Variants in ZMYM6 observed in about 807,000 individuals in gnomAD.
ZMYM6 encodes the protein zinc finger MYM-type containing 6.
ZMYM6 carries 90 observed loss-of-function variants against 134.0 expected under a neutral mutation model. The ratio of observed to expected loss-of-function variants is 0.67; its 90% CI spans 0.57 to 0.80. The LOEUF is 0.80. Ranked by LOEUF, ZMYM6 falls within the 30% of genes least tolerant of loss-of-function variation. The pLI is 0.00. For synonymous variants in ZMYM6, 481 were observed against 524.1 expected (o/e 0.92, Z 1.12); for missense variants, 1,362 against 1,533.9 (o/e 0.89, Z 1.87).
At chr1:35,006,824 A>G (rs1640988339) in intron 12 of ZMYM6, 127 bp downstream of exon 12, 1 of 981,854 alleles carries the variant, frequency 1.0e-6, no homozygotes, top group African/African-American at 1.7e-5. Flanking sequence ...TCTTAAAGAA[A>G]AATTTAAGGA....
At chr1:34,990,592 A>T (rs751859068) in intron 15 of ZMYM6, among the ~76,000 whole-genome samples, 20 of 152,222 alleles carry the variant, frequency 1.3e-4, no homozygotes, top group Non-Finnish European at 2.4e-4. Flanking sequence ...ATCCATTAAC[A>T]TAGCTTAACC....
At chr1:35,019,731 G>GGC in intron 3 of ZMYM6, 129 bp from the exon 4 acceptor site, 8 of 1,156,194 alleles carry the variant, frequency 6.9e-6, no homozygotes, top group Non-Finnish European at 9.4e-6. Flanking sequence ...GGAGTGCAGT[G>GGC]GTGCAATCAA....
chr1:35,007,198 G>T, intron 11 of ZMYM6, 100 bp from the exon 12 acceptor site: 1 of 1,213,318 alleles, frequency 8.2e-7, no homozygotes, highest in Non-Finnish European at 1.1e-6. Context: ...GGATATATGA[G>T]TCAGTTGAGA....
At chr1:35,001,508 TA>T (rs1328603189) in intron 14 of ZMYM6, among the ~76,000 whole-genome samples, 1 of 152,086 alleles carries the variant, frequency 6.6e-6, no homozygotes, top group Non-Finnish European at 1.5e-5. Flanking sequence ...TTATCTCATA[TA>T]TACAGAGGAA....
intron 2 of ZMYM6, among the ~76,000 whole-genome samples, chr1:35,025,866 G>A (rs1489887225): frequency 6.6e-6 from 1 of 152,156 alleles, no homozygotes; most frequent in African/African-American, 2.4e-5. Flanking sequence ...AAAGTGGGAA[G>A]AGAAACAGTA....
intron 12 of ZMYM6, 22 bp from the exon 13 acceptor site, chr1:35,005,294 G>T: frequency 5.6e-6 from 9 of 1,610,982 alleles, no homozygotes; most frequent in Non-Finnish European, 7.6e-6. Flanking sequence ...AAAAAGTTAA[G>T]ATCTGGAATA....
intron 14 of ZMYM6, among the ~76,000 whole-genome samples, chr1:34,993,054 A>G (rs1030623541): frequency 3.3e-5 from 5 of 150,578 alleles, no homozygotes; most frequent in Non-Finnish European, 7.4e-5. Context: ...GGAAAAAAAA[A>G]GAACTAAAGT....
At position 34,987,954 on chromosome 1, in the gene ZMYM6, T is replaced by C; in HGVS notation, c.3128A>G (p.Asn1043Ser). The C allele has an allele frequency of 3.2e-6, 5 of 1,551,672 alleles. No homozygotes were observed. The highest frequency in any genetic ancestry group is 4.4e-6 in the Non-Finnish European group (5 of 1,146,976). The change falls in exon 16 of 16, where the codon AAT (asparagine) becomes AGT (serine). Residue 1043 changes from asparagine to serine, a missense_variant. By Grantham distance (46) the Asn-to-Ser change is conservative. Transcript: ENST00000357182. ...TGTTAACATACGTGAATTTAATGCA[T>C]TGCTCTTTATAAAACTTAAAATTTG... ...SAQILSFIKS[N>S]ALNSRMLTIL...
chr1:35,009,561 T>C (rs933323497), intron 10 of ZMYM6, among the ~76,000 whole-genome samples: 2 of 152,256 alleles, frequency 1.3e-5, no homozygotes, highest in East Asian at 3.8e-4. Context: ...GCTAAACTTA[T>C]GAAGAGATTT....
intron 1 of ZMYM6, chr1:35,031,158 A>C (rs1641515913): frequency 6.5e-6 from 1 of 152,678 alleles, no homozygotes; most frequent in Non-Finnish European, 1.5e-5. Context: ...CCTTCACTGG[A>C]AGCCTCCCTA....
At chr1:34,998,152 G>A (rs1386766067) in intron 14 of ZMYM6, among the ~76,000 whole-genome samples, 3 of 152,038 alleles carry the variant, frequency 2.0e-5, no homozygotes, top group Middle Eastern at 3.2e-3. Flanking sequence ...GGTGGCACGC[G>A]CCTGTAATCC....
intron 6 of ZMYM6, 144 bp from the exon 7 acceptor site, chr1:35,012,725 G>T: frequency 2.1e-6 from 3 of 1,410,504 alleles, no homozygotes; most frequent in South Asian, 3.4e-5. Context: ...CTATTGGGAG[G>T]TGGGAAAATA....
chr1:35,025,081 G>A (rs1052388193), intron 2 of ZMYM6, among the ~76,000 whole-genome samples: 2 of 151,664 alleles, frequency 1.3e-5, no homozygotes, highest in Admixed American at 1.3e-4. Context: ...GTGTTGGCCA[G>A]GCTGGTCTTG....
In ZMYM6 at chr1:35,008,733, A is replaced by G; in HGVS notation, c.1665+19T>C. On this transcript the variant is annotated intron_variant, in intron 11 of 15. Transcript: ENST00000357182. Reference sequence around the variant, plus strand: ...GCACTGATTTCAGAAAGCCAAAAAAAGTATATTATCACATTTACCTGATAA... The same window carrying G: ...GCACTGATTTCAGAAAGCCAAAAAAGGTATATTATCACATTTACCTGATAA... 6.3e-7 allele frequency: 1 copy of G among 1,592,308 alleles called. No individual in the cohort carries two copies.
intron 2 of ZMYM6, among the ~76,000 whole-genome samples, chr1:35,020,954 T>A (rs1181643188): frequency 1.3e-5 from 2 of 152,068 alleles, no homozygotes; most frequent in African/African-American, 4.8e-5. Flanking sequence ...ACACTAATCT[T>A]TACAAAGACA....
intron 8 of ZMYM6, 44 bp downstream of exon 8, chr1:35,011,846 T>A (rs1641092239): frequency 7.5e-7 from 1 of 1,336,398 alleles, no homozygotes; most frequent in South Asian, 1.6e-5. Context: ...CACAGATCGA[T>A]GCCTAACAGA....
At chr1:35,019,045 C>A in intron 4 of ZMYM6, 1 of 502,292 alleles carries the variant, frequency 2.0e-6, no homozygotes, top group African/African-American at 1.9e-5. Context: ...TTCAAGATAA[C>A]TGTTAAATAA....
At chr1:34,993,314 T>C (rs1569742770) in intron 14 of ZMYM6, among the ~76,000 whole-genome samples, 1 of 152,224 alleles carries the variant, frequency 6.6e-6, no homozygotes, top group East Asian at 1.9e-4. Flanking sequence ...TGTTTCACCA[T>C]GTTGGCCAGG....
At chr1:35,010,389 C>T in intron 10 of ZMYM6, 58 bp downstream of exon 10, 1 of 1,550,970 alleles carries the variant, frequency 6.4e-7, no homozygotes, top group African/African-American at 1.4e-5. Context: ...CTTAATTGCC[C>T]AAGTCGTCAT....
Sources: gnomAD v4.1 joint callset for allele counts (sites outside exome capture counted in the v4.1 genomes callset) on GRCh38, gnomAD v4.1.1 for gene constraint, MANE v1.5 for transcripts, NCBI Gene and HGNC (gene_info 2026-07-23, HGNC 2026-07-21) for gene names.